KDM5B: variants seen among roughly 807,000 people sequenced by gnomAD.
KDM5B encodes lysine demethylase 5B, also known as lysine-specific demethylase 5B.
In KDM5B, 144 loss-of-function variants were observed where a neutral mutation model predicts 193.4. The observed-to-expected ratio is 0.74, with a 90% confidence interval of 0.65 to 0.86. KDM5B has a LOEUF of 0.86. Among genes scored for constraint, KDM5B ranks in the 40% least tolerant of loss-of-function variants. The pLI is 0.00. For missense variants in KDM5B, 1,833 were observed against 1,886.9 expected (o/e 0.97, Z 0.53); for synonymous variants, 668 against 682.6 (o/e 0.98, Z 0.33).
chr1:202,753,573 A>G (rs1655881936), intron 11 of KDM5B, among the ~76,000 whole-genome samples: 1 of 151,862 alleles, frequency 6.6e-6, no homozygotes, highest in South Asian at 2.1e-4. Flanking sequence ...AAGACTTTCC[A>G]TCTGAACATC....
chr1:202,744,754 C>G (rs192213910), intron 16 of KDM5B, among the ~76,000 whole-genome samples: 7 of 152,256 alleles, frequency 4.6e-5, no homozygotes, highest in Admixed American at 2.0e-4. Context: ...CTTCAAAGAT[C>G]TAAAGACTGA....
Position 202,777,093 on chromosome 1 carries a change from T to G in KDM5B, c.206A>C (p.Asp69Ala). Residue 69 changes from aspartate (D) to alanine (A), a missense_variant and splice_region_variant, in exon 2 of 27, where the codon GAT becomes GCT. Physicochemically the swap from Asp to Ala is moderately radical, Grantham distance 126. This residue lies in a region of KDM5B where 355 missense variants were observed against 374.9 expected (regional missense o/e 0.95). Coordinates refer to ENST00000367265, the MANE Select transcript of KDM5B (RefSeq NM_006618.5). Reference sequence around the variant, plus strand: ...ATCACATGCAAATGGTGGCTGCCAATCCTAGGAGAAAGCAAAGGCTCTTAT... The same window carrying G: ...ATCACATGCAAATGGTGGCTGCCAAGCCTAGGAGAAAGCAAAGGCTCTTAT... Reference protein sequence around the residue: ...TGICKVRPPPDWQPPFACDVD... With the variant: ...TGICKVRPPPAWQPPFACDVD... The G allele has an allele frequency of 1.2e-6, 2 of 1,611,722 alleles. No individual in the cohort carries two copies. Among genetic ancestry groups the G allele is most frequent in the Non-Finnish European group, 1.7e-6 (2 of 1,177,922 alleles).
At chr1:202,747,564 AT>A (rs67708616) in intron 14 of KDM5B, among the ~76,000 whole-genome samples, 29,297 of 129,660 alleles carry the variant, frequency 0.23, 3,094 homozygotes, top group Middle Eastern at 0.3. Flanking sequence ...AAAGGCACAT[AT>A]TTTTAAAAAA....
intron 1 of KDM5B, chr1:202,806,488 C>T (rs1658298645): frequency 6.6e-6 from 1 of 152,216 alleles, no homozygotes; most frequent in Non-Finnish European, 1.5e-5. Context: ...AAACGTACTT[C>T]CCTTAAGCAG....
intron 5 of KDM5B, among the ~76,000 whole-genome samples, chr1:202,765,478 A>T (rs1275932783): frequency 6.6e-6 from 1 of 152,234 alleles, no homozygotes; most frequent in South Asian, 2.1e-4. Context: ...CAATATCATT[A>T]CTATCAGGTG....
Position 202,729,122 on chromosome 1 carries a change from A to G in KDM5B, c.4549T>C (p.Cys1517Arg). 6.2e-7 allele frequency: 1 copy of G among 1,614,138 alleles called. No individual in the cohort carries two copies. The highest frequency in any genetic ancestry group is 8.5e-7 in the Non-Finnish European group (1 of 1,179,992). The change falls in exon 27 of 27, where the codon TGT (cysteine) becomes CGT (arginine). Residue 1517 changes from cysteine (C) to arginine (R), a missense_variant. By Grantham distance (180) the Cys-to-Arg change is radical. Transcript: ENST00000367265. ...GCCATCTCTGGGGAGACACCAACAC[A>G]GACCTGATGAAACCACTGATTGCAG... ...GSCNQWFHQV[C>R]VGVSPEMAEK...
chr1:202,785,078 GGTT>G (rs1378775154), intron 1 of KDM5B, among the ~76,000 whole-genome samples: 1 of 150,600 alleles, frequency 6.6e-6, no homozygotes, highest in Non-Finnish European at 1.5e-5. Flanking sequence ...CAAATATAAA[GGTT>G]TTTTCATTAA....
At chr1:202,752,402 T>C (rs1435270822) in intron 12 of KDM5B, among the ~76,000 whole-genome samples, 2 of 152,174 alleles carry the variant, frequency 1.3e-5, no homozygotes, top group African/African-American at 2.4e-5. Flanking sequence ...GCCTACACCA[T>C]ACAGCCTAGG....
At chr1:202,784,450 A>G (rs1657325369) in intron 1 of KDM5B, among the ~76,000 whole-genome samples, 1 of 152,234 alleles carries the variant, frequency 6.6e-6, no homozygotes, top group Non-Finnish European at 1.5e-5. Context: ...CTTGCAAGTT[A>G]GCAAATCTTT....
intron 1 of KDM5B, among the ~76,000 whole-genome samples, chr1:202,792,128 G>A (rs971166807): frequency 2.0e-5 from 3 of 152,100 alleles, no homozygotes. Context: ...GTTTTCTGTA[G>A]TAGAACTGAG....
intron 20 of KDM5B, among the ~76,000 whole-genome samples, chr1:202,740,197 C>A (rs1162294142): frequency 2.0e-5 from 3 of 149,306 alleles, no homozygotes; most frequent in African/African-American, 7.4e-5. Flanking sequence ...AGGCGCCCCT[C>A]ACCTCCCGGA....
intron 1 of KDM5B, among the ~76,000 whole-genome samples, chr1:202,780,485 T>C (rs1267234811): frequency 1.3e-5 from 2 of 152,056 alleles, no homozygotes; most frequent in East Asian, 3.9e-4. Flanking sequence ...CCACTGCGCC[T>C]GGCCATGACC....
chr1:202,790,116 T>A (rs1162305561), intron 1 of KDM5B, among the ~76,000 whole-genome samples: 1 of 151,836 alleles, frequency 6.6e-6, no homozygotes, highest in Non-Finnish European at 1.5e-5. Flanking sequence ...ATACAAAAAA[T>A]TAGCTGGGCA....
chr1:202,749,598 C>T (rs1036574495), intron 13 of KDM5B, among the ~76,000 whole-genome samples: 1 of 82,060 alleles, frequency 1.2e-5, no homozygotes, highest in African/African-American at 2.9e-5. Context: ...TCATAAAATT[C>T]CTAGCCTAGG....
chr1:202,755,126 T>A, intron 11 of KDM5B, 145 bp downstream of exon 11: 1 of 581,878 alleles, frequency 1.7e-6, no homozygotes, highest in Non-Finnish European at 3.0e-6. Context: ...CTTGTCAGGA[T>A]GCCTGTTCTA....
chr1:202,727,012 CAG>C lies in KDM5B; in HGVS notation c.*2022_*2023del, dbSNP rs1654696072. ...ACATGCCTACCTTTTCTAACTCACT[CAG>C]AGATACAAAGATCTGACTTCCTCAA... is the stretch of plus-strand genomic sequence containing the variant. On this transcript the variant is annotated 3_prime_UTR_variant, in exon 27 of 27. Transcript: ENST00000367265. 1 of 152,176 alleles carries C rather than the reference CAG, an allele frequency of 6.6e-6. No homozygotes were observed. The highest frequency in any genetic ancestry group is 6.5e-5 in the Admixed American group (1 of 15,288). 9.4% of individuals were successfully genotyped at this position (152,176 alleles called of 1,614,324 possible).
At chr1:202,772,112 T>A (rs1307825687) in intron 4 of KDM5B, among the ~76,000 whole-genome samples, 1 of 152,122 alleles carries the variant, frequency 6.6e-6, no homozygotes, top group Non-Finnish European at 1.5e-5. Flanking sequence ...GATTTACCCC[T>A]CAAAAACTAT....
chr1:202,729,085 T>C lies in KDM5B; in HGVS notation c.4586A>G (p.Asp1529Gly). ...GVSPEMAEKE[D>G]YICVRCTVKD... ...CACAGTACAGCGCACACAGATGTAG[T>C]CTTCTTTCTCTGCCATCTCTGGGGA... Residue 1529 changes from aspartate to glycine, a missense_variant, in exon 27 of 27, where the codon GAC becomes GGC. By Grantham distance (94) the Asp-to-Gly change is moderately conservative. Transcript: ENST00000367265. 6.2e-7 allele frequency: 1 copy of C among 1,614,122 alleles called. No individual in the cohort carries two copies. The highest frequency in any genetic ancestry group is 8.5e-7 in the Non-Finnish European group (1 of 1,179,998).
intron 1 of KDM5B, among the ~76,000 whole-genome samples, chr1:202,794,674 C>T (rs575576201): frequency 1.6e-4 from 24 of 152,248 alleles, no homozygotes; most frequent in Non-Finnish European, 2.9e-4. Context: ...TATTAAGTGA[C>T]TGATTCAAGA....
Sources: gnomAD v4.1 joint callset for allele counts (sites outside exome capture counted in the v4.1 genomes callset) on GRCh38, gnomAD v4.1.1 for gene constraint, gnomAD v4.1.1 regional missense constraint, MANE v1.5 for transcripts, NCBI Gene and HGNC (gene_info 2026-07-23, HGNC 2026-07-21) for gene names.